Variants in ZNF454 observed in about 807,000 individuals in gnomAD.
ZNF454 encodes zinc finger protein 454.
Under a neutral mutation model 48.2 loss-of-function variants are expected in ZNF454, and 30 were observed. That is an observed-to-expected ratio of 0.62 (90% CI 0.47 to 0.84). The LOEUF is 0.84. Among genes scored for constraint, ZNF454 ranks in the 40% least tolerant of loss-of-function variants. ZNF454 has a pLI of 0.00. For missense variants in ZNF454, 510 were observed against 623.1 expected (o/e 0.82, Z 1.93); for synonymous variants, 204 against 211.4 (o/e 0.97, Z 0.30).
At chr5:178,968,035 G>A (rs1760191546), downstream of ZNF454, among the ~76,000 whole-genome samples, 4 of 151,442 alleles carry the variant, frequency 2.6e-5, no homozygotes, top group South Asian at 2.1e-4. Context: ...CACCGCACCC[G>A]GCCACCTTCC....
At chr5:178,957,246 G>A (rs1759809119) in intron 4 of ZNF454, among the ~76,000 whole-genome samples, 1 of 152,112 alleles carries the variant, frequency 6.6e-6, no homozygotes, top group Non-Finnish European at 1.5e-5. Flanking sequence ...ACCAATTCTT[G>A]AAACTTTAGG....
chr5:178,978,170 A>G, the ZNF454 span, among the ~76,000 whole-genome samples: 2 of 152,342 alleles, frequency 1.3e-5, no homozygotes, highest in South Asian at 2.1e-4. Context: ...CACGTTTAGA[A>G]ACAAAGGTAT....
In ZNF454 at chr5:178,941,235, C is replaced by G. The variant is rs1759071949; in HGVS notation, c.-317C>G. 2.6e-6 allele frequency: 1 copy of G among 388,260 alleles called. No individual in the cohort carries two copies. Among genetic ancestry groups the G allele is most frequent in the South Asian group, 1.9e-5 (1 of 53,178 alleles). 24.1% of individuals were successfully genotyped at this position (388,260 alleles called of 1,614,324 possible). ...CAGACTCCAGCTCATTGTGTTCTGA[C>G]TGCGATGTGGCGCTTGCGATCTCTC... is the stretch of plus-strand genomic sequence containing the variant. On this transcript the variant is annotated 5_prime_UTR_variant, in exon 1 of 5. Coordinates refer to ENST00000519564, the MANE Select transcript of ZNF454 (RefSeq NM_001178089.3). The surrounding 1 kb of genome is among the most constrained non-coding windows in gnomAD (Gnocchi z 5.5).
At chr5:178,987,599 G>A in the ZNF454 span, 39 of 376,516 alleles carry the variant, frequency 1.0e-4, no homozygotes, top group African/African-American at 1.9e-4. Flanking sequence ...AGGAGGTACC[G>A]AGGGTAGACA....
chr5:178,989,211 A>AAGCCCC, the ZNF454 span: 1 of 121,736 alleles, frequency 8.2e-6, no homozygotes, highest in Non-Finnish European at 1.3e-5. Context: ...CCCCCTCCCC[A>AAGCCCC]CCCTCACCAC....
chr5:178,971,522 C>T, the ZNF454 span, among the ~76,000 whole-genome samples: 190 of 152,060 alleles, frequency 1.2e-3, no homozygotes, highest in Non-Finnish European at 2.1e-3. Flanking sequence ...ATATCGAAGA[C>T]GTGCCCAGCT....
the ZNF454 span, chr5:178,981,911 CCA>C: frequency 9.7e-7 from 1 of 1,032,586 alleles, no homozygotes; most frequent in Non-Finnish European, 1.5e-6. The surrounding 1 kb of genome is among the most constrained non-coding windows in gnomAD (Gnocchi z 5.1). Context: ...CTGCCCCGCT[CCA>C]CACAGTCCTC....
chr5:178,986,621 C>G, the ZNF454 span: 2 of 1,603,280 alleles, frequency 1.2e-6, no homozygotes, highest in Non-Finnish European at 1.7e-6. Context: ...AAGCGGTACC[C>G]GTCACAGGCC....
At chr5:178,971,274 G>A (rs1426727130), downstream of ZNF454, among the ~76,000 whole-genome samples, 1 of 152,180 alleles carries the variant, frequency 6.6e-6, no homozygotes, top group African/African-American at 2.4e-5. Context: ...AGGAGTCGGC[G>A]GGGAGTAGGG....
downstream of ZNF454, among the ~76,000 whole-genome samples, chr5:178,970,311 G>A (rs375034928): frequency 1.2e-4 from 19 of 152,256 alleles, no homozygotes; most frequent in Admixed American, 4.6e-4. Context: ...CATCTGTGTC[G>A]CAGTGGGAGG....
the ZNF454 span, chr5:178,985,383 G>A: frequency 1.0e-5 from 4 of 385,400 alleles, no homozygotes; most frequent in South Asian, 1.8e-5. Context: ...AGGAGGGGAG[G>A]GGCTCCATTT....
In ZNF454 at chr5:178,964,704, T is replaced by C; in HGVS notation, c.300T>C (p.Ile100=). The change falls in exon 5 of 5, where the codon ATT becomes ATC. Residue 100 remains isoleucine, a synonymous_variant. Coordinates refer to ENST00000519564, the MANE Select transcript of ZNF454 (RefSeq NM_001178089.3). ...ASKKSTVKAE[I]PEEELDQWTI... ...AGAAATCTACTGTCAAGGCAGAGAT[T>C]CCTGAAGAAGAATTGGATCAATGGA... 1 of 1,614,232 alleles carries C rather than the reference T, an allele frequency of 6.2e-7. No individual in the cohort carries two copies. Among genetic ancestry groups the C allele is most frequent in the Non-Finnish European group, 8.5e-7 (1 of 1,180,030 alleles).
the ZNF454 span, chr5:178,977,527 T>C: frequency 3.3e-6 from 1 of 301,222 alleles, no homozygotes; most frequent in African/African-American, 2.2e-5. Context: ...AAAACAGTAA[T>C]CCACAAATGA....
At chr5:178,962,597 GT>G (rs1395971490) in intron 4 of ZNF454, among the ~76,000 whole-genome samples, 1 of 151,550 alleles carries the variant, frequency 6.6e-6, no homozygotes. Flanking sequence ...CCAATTCTTT[GT>G]TGTAATTCTC....
the ZNF454 span, chr5:178,986,506 G>A: frequency 2.5e-5 from 41 of 1,609,584 alleles, no homozygotes; most frequent in Middle Eastern, 3.3e-4. Flanking sequence ...TGCCCAGGGG[G>A]AGGACCAGCT....
chr5:178,974,484 A>G, the ZNF454 span, among the ~76,000 whole-genome samples: 3 of 151,998 alleles, frequency 2.0e-5, no homozygotes, highest in Non-Finnish European at 4.4e-5. Flanking sequence ...ATGCCCGGCT[A>G]ATTTTTTGTA....
chr5:178,987,054 G>C, the ZNF454 span: 1 of 1,490,858 alleles, frequency 6.7e-7, no homozygotes, highest in Non-Finnish European at 9.2e-7. Flanking sequence ...GAGGCCCCAG[G>C]GACCAGCAGG....
At chr5:178,950,205 C>A (rs1759498520) in intron 4 of ZNF454, among the ~76,000 whole-genome samples, 1 of 152,144 alleles carries the variant, frequency 6.6e-6, no homozygotes, top group South Asian at 2.1e-4. Context: ...ATGAAAAAGT[C>A]CTTGGTAAAT....
At chr5:178,960,381 C>T (rs975907697) in intron 4 of ZNF454, among the ~76,000 whole-genome samples, 5 of 151,732 alleles carry the variant, frequency 3.3e-5, no homozygotes, top group African/African-American at 4.8e-5. Flanking sequence ...CCTCAGCCTC[C>T]GGAGTAGTTG....
Sources: gnomAD v4.1 joint callset for allele counts (sites outside exome capture counted in the v4.1 genomes callset) on GRCh38, gnomAD v4.1.1 for gene constraint, Gnocchi (gnomAD v3.1) non-coding constraint, MANE v1.5 for transcripts, NCBI Gene and HGNC (gene_info 2026-07-23, HGNC 2026-07-21) for gene names.